C11orf97: variants seen among roughly 807,000 people sequenced by gnomAD.
C11orf97 encodes the protein uncharacterized protein C11orf97.
In C11orf97, 15 loss-of-function variants were observed where a neutral mutation model predicts 16.2. The ratio of observed to expected loss-of-function variants is 0.93; its 90% CI spans 0.62 to 1.43. The LOEUF is 1.43. Ranked by LOEUF, C11orf97 falls within the 40% of genes most tolerant of loss-of-function variation. The probability of loss-of-function intolerance (pLI) is 0.00; values close to 1 mark genes in which losing one functional copy is unlikely to be tolerated. For synonymous variants in C11orf97, 61 were observed against 65.7 expected, an observed-to-expected ratio of 0.93 and a Z score of 0.34; for missense variants, 171 against 161.2, an observed-to-expected ratio of 1.06 and a Z score of -0.33.
intron 1 of C11orf97, 120 bp downstream of exon 1, chr11:94,512,793 GCT>G: frequency 1.8e-6 from 2 of 1,094,566 alleles, no homozygotes; most frequent in South Asian, 4.7e-5. Context: ...GGGAGGTGGA[GCT>G]GCTGCTTTTG....
At chr11:94,531,526 C>CAAAAAAAAAAAAAAAAA (rs35270400) in intron 3 of C11orf97, among the ~76,000 whole-genome samples, 1 of 92,078 alleles carries the variant, frequency 1.1e-5, no homozygotes, top group Admixed American at 1.3e-4. Flanking sequence ...CAAAACAAGC[C>CAAAAAAAAAAAAAAAAA]AAAAAAAAAA....
intron 2 of C11orf97, among the ~76,000 whole-genome samples, chr11:94,526,639 G>A (rs1054900821): frequency 2.0e-5 from 3 of 152,178 alleles, no homozygotes; most frequent in African/African-American, 7.2e-5. Flanking sequence ...AATGTCATAG[G>A]CTCCTAAATT....
chr11:94,517,251 G>A (rs76123940), intron 1 of C11orf97, among the ~76,000 whole-genome samples: 4,760 of 152,268 alleles, frequency 0.031, 270 homozygotes, highest in African/African-American at 0.11. Context: ...GCCTATCACA[G>A]AGTAGGTCTT....
chr11:94,524,837 T>C (rs1330714436), intron 2 of C11orf97, among the ~76,000 whole-genome samples: 2 of 152,048 alleles, frequency 1.3e-5, no homozygotes, highest in African/African-American at 4.8e-5. Flanking sequence ...GGCAGGCCGA[T>C]CACATGAGGT....
chr11:94,528,590 A>G (rs1470293417), intron 3 of C11orf97, among the ~76,000 whole-genome samples: 2 of 152,218 alleles, frequency 1.3e-5, no homozygotes, highest in Non-Finnish European at 2.9e-5. Flanking sequence ...GAAATGAGGG[A>G]ATGAAGGAAG....
chr11:94,526,508 G>C (rs75243484), intron 2 of C11orf97, among the ~76,000 whole-genome samples: 1,587 of 152,180 alleles, frequency 0.01, 30 homozygotes, highest in African/African-American at 0.037. Context: ...TTGTCTGCAC[G>C]GTTCTGCTTC....
intron 2 of C11orf97, 48 bp downstream of exon 2, chr11:94,517,735 T>A: frequency 7.9e-7 from 1 of 1,267,092 alleles, no homozygotes; most frequent in Non-Finnish European, 1.1e-6. Context: ...AATATGAAAT[T>A]GCCTACTTGA....
At chr11:94,517,739 T>C (rs1947623060) in intron 2 of C11orf97, 52 bp downstream of exon 2, 4 of 1,226,422 alleles carry the variant, frequency 3.3e-6, no homozygotes, top group Non-Finnish European at 3.4e-6. Flanking sequence ...TGAAATTGCC[T>C]ACTTGATGAC....
At chr11:94,515,856 A>C (rs1947607922) in intron 1 of C11orf97, among the ~76,000 whole-genome samples, 3 of 151,788 alleles carry the variant, frequency 2.0e-5, no homozygotes. Context: ...TCTTCTGTGC[A>C]TTTTCCTAGC....
chr11:94,519,656 G>A (rs1282974094), intron 2 of C11orf97, among the ~76,000 whole-genome samples: 5 of 152,172 alleles, frequency 3.3e-5, no homozygotes, highest in African/African-American at 7.2e-5. Flanking sequence ...TGTCTGGGCT[G>A]CTTTTTAAAA....
intron 3 of C11orf97, among the ~76,000 whole-genome samples, chr11:94,530,937 T>C (rs1947733503): frequency 6.6e-6 from 1 of 152,228 alleles, no homozygotes; most frequent in Non-Finnish European, 1.5e-5. Context: ...AAAATATGCT[T>C]CAGTTAGATA....
chr11:94,514,074 T>G (rs1266950366), intron 1 of C11orf97, among the ~76,000 whole-genome samples: 1 of 152,086 alleles, frequency 6.6e-6, no homozygotes, highest in Non-Finnish European at 1.5e-5. Context: ...CCTCCCAAAG[T>G]GCTGGGATTA....
At chr11:94,521,101 AG>A (rs1009665569) in intron 2 of C11orf97, among the ~76,000 whole-genome samples, 2 of 152,214 alleles carry the variant, frequency 1.3e-5, no homozygotes, top group African/African-American at 4.8e-5. Context: ...CTCTTCATTC[AG>A]GCTTCAACTG....
At chr11:94,525,630 C>T (rs1947695197) in intron 2 of C11orf97, among the ~76,000 whole-genome samples, 1 of 152,162 alleles carries the variant, frequency 6.6e-6, no homozygotes, top group Non-Finnish European at 1.5e-5. Flanking sequence ...ACACCAAAGG[C>T]TTGCCAAGAC....
intron 2 of C11orf97, among the ~76,000 whole-genome samples, chr11:94,518,413 GAGCCCA>G (rs1313472303): frequency 9.8e-6 from 1 of 101,760 alleles, no homozygotes. Flanking sequence ...GTCTGCAGTG[GAGCCCA>G]AGAATTTGGA....
At chr11:94,516,701 C>A (rs1459502360) in intron 1 of C11orf97, among the ~76,000 whole-genome samples, 1 of 152,194 alleles carries the variant, frequency 6.6e-6, no homozygotes, top group Non-Finnish European at 1.5e-5. Flanking sequence ...GATAAAAAGT[C>A]ATTTCCAGAT....
chr11:94,526,051 G>A (rs1049271311), intron 2 of C11orf97, among the ~76,000 whole-genome samples: 3 of 152,174 alleles, frequency 2.0e-5, no homozygotes, highest in African/African-American at 4.8e-5. Context: ...TTCTCCCCTT[G>A]TGCCTGCTGC....
intron 2 of C11orf97, among the ~76,000 whole-genome samples, chr11:94,525,784 T>C (rs1011076377): frequency 1.1e-4 from 17 of 152,250 alleles, no homozygotes; most frequent in South Asian, 4.1e-4. Context: ...TGTTCATTAT[T>C]TACAATCCAA....
intron 2 of C11orf97, among the ~76,000 whole-genome samples, chr11:94,519,070 C>T (rs1329877793): frequency 6.6e-6 from 1 of 152,036 alleles, no homozygotes; most frequent in Non-Finnish European, 1.5e-5. Context: ...CACCACGGCC[C>T]AGCTAATTTT....
Sources: allele counts gnomAD v4.1 joint callset (sites outside exome capture counted in the v4.1 genomes callset), GRCh38; gene constraint gnomAD v4.1.1; transcripts MANE v1.5; gene names NCBI Gene and HGNC (gene_info 2026-07-23, HGNC 2026-07-21).